Variants in LCLAT1 observed in about 807,000 individuals in gnomAD.
The protein encoded by LCLAT1 is lysocardiolipin acyltransferase 1, also known as 1-AGP acyltransferase 8.
A neutral mutation model predicts 30.7 loss-of-function variants in LCLAT1; 11 were observed. The observed-to-expected ratio is 0.36, with a 90% CI of 0.23 to 0.59. The LOEUF (loss-of-function observed/expected upper bound fraction) is 0.59, where lower values mean the gene tolerates loss of function less well. Ranked by LOEUF, LCLAT1 falls within the 20% of genes least tolerant of loss-of-function variation. The pLI is 0.77. For missense variants in LCLAT1, 402 were observed against 458.6 expected (o/e 0.88, Z 1.13); for synonymous variants, 155 against 151.3 (o/e 1.02, Z -0.18).
At chr2:30,622,681 T>C (rs1425991427) in intron 5 of LCLAT1, among the ~76,000 whole-genome samples, 5 of 152,082 alleles carry the variant, frequency 3.3e-5, no homozygotes, top group Non-Finnish European at 7.4e-5. Flanking sequence ...GCTCCGCTGG[T>C]TGGCTAGACC....
intron 5 of LCLAT1, chr2:30,606,910 A>T (rs1489206428): frequency 6.6e-6 from 1 of 152,148 alleles, no homozygotes; most frequent in East Asian, 1.9e-4. Context: ...AACCCCATTA[A>T]AAAAGTGGGC....
intron 1 of LCLAT1, among the ~76,000 whole-genome samples, chr2:30,477,483 G>A (rs1170279777): frequency 6.6e-6 from 1 of 152,122 alleles, no homozygotes; most frequent in African/African-American, 2.4e-5. Flanking sequence ...CTTGTTTGGT[G>A]TCCATTTATG....
chr2:30,585,417 G>A (rs1666390606), intron 5 of LCLAT1, among the ~76,000 whole-genome samples: 1 of 152,072 alleles, frequency 6.6e-6, no homozygotes, highest in African/African-American at 2.4e-5. Context: ...TTAGCACCTG[G>A]CTCAGTCTTC....
At chr2:30,459,796 A>AT (rs1257757961) in intron 1 of LCLAT1, 1 of 984,246 alleles carries the variant, frequency 1.0e-6, no homozygotes, top group African/African-American at 1.6e-5. Flanking sequence ...AGCTTTTTGA[A>AT]TTGATCATAG....
intron 5 of LCLAT1, among the ~76,000 whole-genome samples, chr2:30,568,415 T>C (rs1483556397): frequency 2.0e-5 from 3 of 148,650 alleles, no homozygotes; most frequent in African/African-American, 2.4e-5. Context: ...CATAACTCTA[T>C]ATTACATATA....
At chr2:30,556,712 A>G (rs909433698) in intron 3 of LCLAT1, among the ~76,000 whole-genome samples, 10 of 151,796 alleles carry the variant, frequency 6.6e-5, no homozygotes, top group Admixed American at 5.2e-4. Context: ...CCACAATAAG[A>G]TAAGAACAGA....
intron 1 of LCLAT1, among the ~76,000 whole-genome samples, chr2:30,504,976 C>A (rs1684587227): frequency 6.6e-6 from 1 of 152,140 alleles, no homozygotes; most frequent in Non-Finnish European, 1.5e-5. Flanking sequence ...TTTCTCTTAG[C>A]AATACATCTT....
intron 5 of LCLAT1, 74 bp from the exon 6 acceptor site, chr2:30,640,043 C>A: frequency 8.1e-7 from 1 of 1,232,768 alleles, no homozygotes; most frequent in Non-Finnish European, 1.2e-6. Context: ...CTGGTGCTGC[C>A]CTGCAGTGTG....
At chr2:30,522,392 A>ATT (rs1349803464) in intron 1 of LCLAT1, among the ~76,000 whole-genome samples, 1 of 151,640 alleles carries the variant, frequency 6.6e-6, no homozygotes, top group East Asian at 1.9e-4. Context: ...TTTTTTTTTT[A>ATT]GCTATTCCAA....
Position 30,484,772 on chromosome 2 carries a change from TA to T in LCLAT1, c.-5+37395del, listed in dbSNP as rs1182215453. ...AACATTCAGTAACATTTGACAGTTTTAAAAAAGTGATTTCATTTTAAAATAA... is the reference window on the plus strand; with the variant it reads ...AACATTCAGTAACATTTGACAGTTTTAAAAAGTGATTTCATTTTAAAATAA... On this transcript the variant is annotated intron_variant, in intron 1 of 5. Coordinates refer to ENST00000379509, the MANE Select transcript of LCLAT1 (RefSeq NM_001002257.3). Among the ~76,000 whole-genome samples, 3 of 148,864 alleles carry T rather than the reference TA, an allele frequency of 2.0e-5. No homozygotes were observed. In the South Asian group the frequency reaches 6.7e-4, roughly 33 times the overall value.
At chr2:30,467,805 ATTTG>A (rs1682525333) in intron 1 of LCLAT1, among the ~76,000 whole-genome samples, 1 of 152,020 alleles carries the variant, frequency 6.6e-6, no homozygotes, top group Non-Finnish European at 1.5e-5. Context: ...TTTCTTGTAA[ATTTG>A]TTTGAGTTCT....
At chr2:30,568,505 CTTTTTTTTTTT>C (rs35285466) in intron 5 of LCLAT1, among the ~76,000 whole-genome samples, 2 of 85,364 alleles carry the variant, frequency 2.3e-5, no homozygotes, top group African/African-American at 4.8e-5. Context: ...GTCTTTCTTT[CTTTTTTTTTTT>C]TTTTTTTTTG....
At chr2:30,611,587 A>G (rs541798404) in intron 5 of LCLAT1, among the ~76,000 whole-genome samples, 22 of 152,048 alleles carry the variant, frequency 1.4e-4, no homozygotes, top group Non-Finnish European at 2.8e-4. Context: ...AGTGGTGTGT[A>G]TGGTAGGACC....
chr2:30,596,149 A>G (rs1212855677), intron 5 of LCLAT1, among the ~76,000 whole-genome samples: 2 of 152,172 alleles, frequency 1.3e-5, no homozygotes, highest in African/African-American at 4.8e-5. Flanking sequence ...TCCATTGGGT[A>G]TATACCGAGT....
At chr2:30,459,530 C>A in intron 1 of LCLAT1, 1 of 904,956 alleles carries the variant, frequency 1.1e-6, no homozygotes, top group South Asian at 1.4e-5. Flanking sequence ...CTCTTTTTTT[C>A]TCCCATTTGT....
intron 3 of LCLAT1, among the ~76,000 whole-genome samples, chr2:30,540,822 G>A (rs575328808): frequency 4.0e-5 from 6 of 151,776 alleles, no homozygotes; most frequent in African/African-American, 9.7e-5. Context: ...CTGCCACCAC[G>A]CCCGGCTACT....
chr2:30,534,196 C>A (rs1039501760), intron 3 of LCLAT1, among the ~76,000 whole-genome samples: 1 of 149,202 alleles, frequency 6.7e-6, no homozygotes, highest in African/African-American at 2.5e-5. Context: ...GATAGACTAG[C>A]AAGGGTGTTT....
chr2:30,546,249 G>A (rs1664404442), intron 3 of LCLAT1, among the ~76,000 whole-genome samples: 1 of 152,110 alleles, frequency 6.6e-6, no homozygotes, highest in African/African-American at 2.4e-5. Context: ...AATGGAAACT[G>A]GATAGGAAGC....
intron 3 of LCLAT1, among the ~76,000 whole-genome samples, chr2:30,561,759 G>T (rs1235348066): frequency 6.6e-6 from 1 of 152,142 alleles, no homozygotes; most frequent in Non-Finnish European, 1.5e-5. Flanking sequence ...TTACTGCTCT[G>T]TAAGCTGTCA....
Sources: allele counts gnomAD v4.1 joint callset (sites outside exome capture counted in the v4.1 genomes callset), GRCh38; gene constraint gnomAD v4.1.1; transcripts MANE v1.5; gene names NCBI Gene and HGNC (gene_info 2026-07-23, HGNC 2026-07-21).